DRD3: variants seen among roughly 807,000 people sequenced by gnomAD.
The protein encoded by DRD3 is D(3) dopamine receptor.
Under a neutral mutation model 36.3 loss-of-function variants are expected in DRD3, and 19 were observed. That is an observed-to-expected ratio of 0.52 (90% CI 0.36 to 0.77). DRD3 has a LOEUF of 0.77. Among genes scored for constraint, DRD3 ranks in the 30% least tolerant of loss-of-function variants. The pLI is 0.00. For missense variants in DRD3, 465 were observed against 505.3 expected (o/e 0.92, Z 0.77); for synonymous variants, 195 against 203.7 (o/e 0.96, Z 0.36).
upstream of DRD3, among the ~76,000 whole-genome samples, chr3:114,183,792 C>T (rs1560003672): frequency 6.6e-6 from 1 of 151,978 alleles, no homozygotes; most frequent in Non-Finnish European, 1.5e-5. Flanking sequence ...CATCTTTTCA[C>T]TTTCAACCTA....
chr3:114,130,026 T>C (rs1040513071), intron 6 of DRD3, among the ~76,000 whole-genome samples: 12 of 152,108 alleles, frequency 7.9e-5, no homozygotes, highest in Non-Finnish European at 1.6e-4. Flanking sequence ...GATGGGAGGA[T>C]TGCTTGATGC....
At chr3:114,129,356 C>T (rs1429824781) in intron 6 of DRD3, among the ~76,000 whole-genome samples, 3 of 151,690 alleles carry the variant, frequency 2.0e-5, no homozygotes, top group Non-Finnish European at 2.9e-5. Context: ...AAAAACAAAA[C>T]AAAACAAAAA....
At chr3:114,198,506 A>T (rs1006814643) in intron 1 of DRD3, among the ~76,000 whole-genome samples, 19 of 152,014 alleles carry the variant, frequency 1.2e-4, no homozygotes, top group Non-Finnish European at 1.9e-4. Context: ...TTATAGATTG[A>T]TTTCGTATTC....
intron 3 of DRD3, among the ~76,000 whole-genome samples, chr3:114,158,585 CAGAGT>C (rs2077703809): frequency 1.3e-5 from 2 of 152,208 alleles, no homozygotes; most frequent in African/African-American, 4.8e-5. Context: ...GTGCCCATTA[CAGAGT>C]CTTGAACAAA....
At chr3:114,169,551 T>C (rs1047881417) in intron 2 of DRD3, among the ~76,000 whole-genome samples, 5 of 152,020 alleles carry the variant, frequency 3.3e-5, no homozygotes, top group Non-Finnish European at 7.4e-5. Flanking sequence ...TGAAATAACC[T>C]GTTGGACAGA....
At chr3:114,129,416 G>C (rs1274148794) in intron 6 of DRD3, among the ~76,000 whole-genome samples, 1 of 152,184 alleles carries the variant, frequency 6.6e-6, no homozygotes, top group African/African-American at 2.4e-5. Flanking sequence ...TTTTAGGTGA[G>C]AAAACTGCAT....
chr3:114,147,532 G>A lies in DRD3; in HGVS notation c.409C>T (p.His137Tyr). 6.2e-7 allele frequency: 1 copy of A among 1,614,092 alleles called. No homozygotes were observed. The highest frequency in any genetic ancestry group is 8.5e-7 in the Non-Finnish European group (1 of 1,179,966). The part of the protein sequence containing the change: ...DRYTAVVMPV[H>Y]YQHGTGQSSC... ...CTCTGTCCCGTGCCATGCTGGTAGT[G>A]AACGGGCATGACCACTGCAGTGTAC... Residue 137 changes from histidine (H) to tyrosine (Y), a missense_variant, in exon 4 of 7, where the codon CAC becomes TAC. His to Tyr is a moderately conservative substitution (Grantham distance 83, BLOSUM62 2). Coordinates refer to ENST00000383673, the MANE Select transcript of DRD3 (RefSeq NM_000796.6).
chr3:114,139,703 A>T lies in DRD3; in HGVS notation c.527-7T>A, dbSNP rs769623464. ...GAGCAGACAGTGGGGTCCCCTGTGG[A>T]TGAGAAGGGGGAAGGTAAAGCAGTT... On this transcript the variant is annotated splice_polypyrimidine_tract_variant and splice_region_variant and intron_variant, in intron 4 of 6. Transcript: ENST00000383673. The T allele has an allele frequency of 2.5e-6, 4 of 1,613,504 alleles. No homozygotes were observed.
intron 1 of DRD3, among the ~76,000 whole-genome samples, chr3:114,185,882 G>A (rs570992928): frequency 6.6e-6 from 1 of 152,156 alleles, no homozygotes; most frequent in African/African-American, 2.4e-5. Context: ...TCACAATGTT[G>A]CCCAGGCTGG....
At chr3:114,141,399 T>C (rs558333413) in intron 4 of DRD3, among the ~76,000 whole-genome samples, 24 of 152,316 alleles carry the variant, frequency 1.6e-4, no homozygotes, top group African/African-American at 4.8e-4. Flanking sequence ...CCTAGAAATA[T>C]TGTATAGTAG....
At chr3:114,190,435 T>TATA (rs2078000573) in intron 1 of DRD3, among the ~76,000 whole-genome samples, 1 of 10,260 alleles carries the variant, frequency 9.7e-5, no homozygotes, top group Non-Finnish European at 2.2e-4. Flanking sequence ...TATATATATA[T>TATA]ATATATATAT....
At chr3:114,190,286 T>C (rs934998656) in intron 1 of DRD3, among the ~76,000 whole-genome samples, 6 of 150,656 alleles carry the variant, frequency 4.0e-5, no homozygotes, top group Non-Finnish European at 8.9e-5. Flanking sequence ...AATATGTCAT[T>C]CAAGCTGCAA....
At chr3:114,157,633 T>A (rs1449652793) in intron 3 of DRD3, among the ~76,000 whole-genome samples, 1 of 152,136 alleles carries the variant, frequency 6.6e-6, no homozygotes, top group East Asian at 1.9e-4. Context: ...AAGTGGGAAT[T>A]TTGAACAATA....
intron 1 of DRD3, among the ~76,000 whole-genome samples, chr3:114,194,608 G>A (rs2078027492): frequency 6.6e-6 from 1 of 152,110 alleles, no homozygotes; most frequent in Non-Finnish European, 1.5e-5. Flanking sequence ...TAAGCTTTCT[G>A]TCCTCAACAT....
chr3:114,175,079 G>A (rs998797214), intron 1 of DRD3, among the ~76,000 whole-genome samples: 1 of 152,056 alleles, frequency 6.6e-6, no homozygotes, highest in African/African-American at 2.4e-5. Context: ...GTGCATTGTG[G>A]GGGGTTTAAC....
At chr3:114,171,655 G>C in intron 2 of DRD3, 68 bp downstream of exon 2, 3 of 1,455,388 alleles carry the variant, frequency 2.1e-6, no homozygotes, top group Non-Finnish European at 2.7e-6. Context: ...GAGCCCCAAA[G>C]GCCAGAACTC....
At chr3:114,162,558 A>T (rs1484048691) in intron 2 of DRD3, among the ~76,000 whole-genome samples, 1 of 152,226 alleles carries the variant, frequency 6.6e-6, no homozygotes, top group Non-Finnish European at 1.5e-5. Context: ...AACGCTTACT[A>T]AGTGCCTGGT....
intron 1 of DRD3, chr3:114,175,869 T>G (rs745894912): frequency 6.6e-6 from 1 of 152,178 alleles, no homozygotes; most frequent in Admixed American, 6.6e-5. Context: ...GGCAGAGAAA[T>G]AGAAGATTAC....
In DRD3 at chr3:114,169,690, C is replaced by G. The variant is rs959197028; in HGVS notation, c.270+2033G>C. Among the ~76,000 whole-genome samples, 4 of 152,070 alleles carry G rather than the reference C, an allele frequency of 2.6e-5. No individual in the cohort carries two copies. In the East Asian group the frequency reaches 7.7e-4, roughly 29 times the overall value. On this transcript the variant is annotated intron_variant, in intron 2 of 6. Coordinates refer to ENST00000383673, the MANE Select transcript of DRD3 (RefSeq NM_000796.6). ...CTTTGGCAAGATTTCCTGTCATTTT[C>G]TATAGTCTCACCTGCCCTTCTATGC...
Sources: allele counts gnomAD v4.1 joint callset (sites outside exome capture counted in the v4.1 genomes callset), GRCh38; gene constraint gnomAD v4.1.1; transcripts MANE v1.5; gene names NCBI Gene and HGNC (gene_info 2026-07-23, HGNC 2026-07-21).